UCK1: variants seen among roughly 807,000 people sequenced by gnomAD.
UCK1 encodes cytidine monophosphokinase 1.
Under a neutral mutation model 34.0 loss-of-function variants are expected in UCK1, and 20 were observed. The ratio of observed to expected loss-of-function variants is 0.59; its 90% CI spans 0.41 to 0.86. The LOEUF is 0.86. Among genes scored for constraint, UCK1 ranks in the 40% least tolerant of loss-of-function variants. The pLI, the probability that UCK1 is intolerant of heterozygous loss-of-function variation, is 0.00. For missense variants in UCK1, 343 were observed against 383.6 expected, an observed-to-expected ratio of 0.89 and a Z score of 0.88; for synonymous variants, 168 against 155.9, an observed-to-expected ratio of 1.08 and a Z score of -0.58.
At chr9:131,525,872 T>C (rs1588529294) in intron 6 of UCK1, 57 bp downstream of exon 6, 2 of 1,584,784 alleles carry the variant, frequency 1.3e-6, no homozygotes, top group East Asian at 4.5e-5. Flanking sequence ...GGTGGAACTG[T>C]CCCTGCCTCA....
At position 131,524,453 on chromosome 9, in the gene UCK1, A is replaced by G. The variant is rs1169191304; in HGVS notation, c.*587T>C. 1 of 152,282 alleles carries G rather than the reference A, an allele frequency of 6.6e-6. No homozygotes were observed. Among genetic ancestry groups the G allele is most frequent in the Non-Finnish European group, 1.5e-5 (1 of 68,070 alleles). The allele number at this position is 152,282 out of a possible 1,614,324, so 9.4% of individuals were successfully genotyped here. On this transcript the variant is annotated 3_prime_UTR_variant, in exon 7 of 7. Coordinates refer to ENST00000372215, the MANE Select transcript of UCK1 (RefSeq NM_031432.5). ...GGAAAACATCCCTCAGTGGCTCCCC[A>G]TATCCGTGTAGGCCACGCTGGACTG...
Position 131,526,220 on chromosome 9 carries a change from T to C in UCK1, c.604-243A>G, listed in dbSNP as rs968327278. The C allele has an allele frequency of 1.1e-5, 7 of 659,274 alleles. No homozygotes were observed. The Admixed American group carries it at 1.4e-4, about 13-fold the overall frequency. The allele number at this position is 659,274 out of a possible 1,614,324, so 40.8% of individuals were successfully genotyped here. ...GAAAGTGCCTCTTCCAGTGTCCCCA[T>C]TCCATCACAGAAGACAGCCCCCTTC... is the stretch of plus-strand genomic sequence containing the variant. On this transcript the variant is annotated intron_variant, in intron 5 of 6. Transcript: ENST00000372215.
rs1045461346 is a variant in UCK1 at position 131,524,814 on chromosome 9, G to A, written c.*226C>T. 9 of 531,486 alleles carry A rather than the reference G, an allele frequency of 1.7e-5. No homozygotes were observed. Among genetic ancestry groups the A allele is most frequent in the Non-Finnish European group, 3.0e-5 (9 of 304,174 alleles). 32.9% of individuals were successfully genotyped at this position (531,486 alleles called of 1,614,324 possible). On this transcript the variant is annotated 3_prime_UTR_variant, in exon 7 of 7. Transcript: ENST00000372215. ...AGTGACCTAGAGGGATCTTTAAACC[G>A]CAACGAGCCTAAGTGGCTGAAAACC... is the stretch of plus-strand genomic sequence containing the variant.
Position 131,523,865 on chromosome 9 carries a change from T to C in UCK1, c.*1175A>G, listed in dbSNP as rs895940621. 6.6e-6 allele frequency: 1 copy of C among 152,440 alleles called. No homozygotes were observed. The highest frequency in any genetic ancestry group is 1.5e-5 in the Non-Finnish European group (1 of 68,218). The allele number at this position is 152,440 out of a possible 1,614,324, so 9.4% of individuals were successfully genotyped here. A position where few individuals can be genotyped will look rare whatever the true frequency, so the allele number is the denominator to read the frequency against. ...AAGGGGCCTAAGCTCGACAAAACCG[T>C]TACAGTTGTCAGAACCCAGCCACAG... On this transcript the variant is annotated 3_prime_UTR_variant, in exon 7 of 7. Coordinates refer to ENST00000372215, the MANE Select transcript of UCK1 (RefSeq NM_031432.5).
At chr9:131,530,274 A>G (rs767759044) in intron 2 of UCK1, among the ~76,000 whole-genome samples, 3 of 152,182 alleles carry the variant, frequency 2.0e-5, no homozygotes, top group Non-Finnish European at 2.9e-5. Flanking sequence ...ACTGGCTCCA[A>G]CCACGCTCCT....
intron 6 of UCK1, 32 bp downstream of exon 6, chr9:131,525,897 C>G (rs1554788157): frequency 6.2e-7 from 1 of 1,610,446 alleles, no homozygotes; most frequent in Non-Finnish European, 8.5e-7. Context: ...CTGGGAGGGG[C>G]GGGGGGACAG....
chr9:131,526,462 CA>C, intron 5 of UCK1: 1 of 1,290,198 alleles, frequency 7.8e-7, no homozygotes, highest in Non-Finnish European at 1.0e-6. Flanking sequence ...TCCAACCACT[CA>C]TTGGCTCAAT....
intron 1 of UCK1, 141 bp from the exon 2 acceptor site, chr9:131,530,786 C>G: frequency 6.7e-7 from 1 of 1,492,584 alleles, no homozygotes; most frequent in Non-Finnish European, 9.2e-7. Context: ...TGTGGATGGT[C>G]TCAGCGGAAG....
intron 5 of UCK1, among the ~76,000 whole-genome samples, chr9:131,528,487 A>G (rs767630093): frequency 6.6e-6 from 1 of 152,220 alleles, no homozygotes; most frequent in Non-Finnish European, 1.5e-5. Context: ...CTGGAGGAGC[A>G]GCTCTGAAGC....
chr9:131,529,559 G>A lies in UCK1; in HGVS notation c.294C>T (p.His98=). The change falls in exon 3 of 7, where the codon CAC becomes CAT. Residue 98 remains histidine (H), a synonymous_variant. Coordinates refer to ENST00000372215, the MANE Select transcript of UCK1 (RefSeq NM_031432.5). ...HPDAFDNDLM[H]RTLKNIVEGK... ...CCTCCACGATGTTCTTCAGAGTCCTGTGCATCAAATCATTATCAAAGGCAT... is the reference window on the plus strand; with the variant it reads ...CCTCCACGATGTTCTTCAGAGTCCTATGCATCAAATCATTATCAAAGGCAT... 6.2e-7 allele frequency: 1 copy of A among 1,614,160 alleles called. No individual in the cohort carries two copies. Among genetic ancestry groups the A allele is most frequent in the Non-Finnish European group, 8.5e-7 (1 of 1,180,016 alleles).
At chr9:131,529,617 G>T (rs1165680339) in intron 2 of UCK1, 33 bp from the exon 3 acceptor site, 1 of 1,604,284 alleles carries the variant, frequency 6.2e-7, no homozygotes, top group African/African-American at 1.3e-5. Context: ...AAGACAGGCA[G>T]ATGCCCTCGT....
chr9:131,529,401 G>T, intron 3 of UCK1, 87 bp downstream of exon 3: 1 of 1,601,828 alleles, frequency 6.2e-7, no homozygotes, highest in South Asian at 1.1e-5. Context: ...AACCGGGGGA[G>T]GCCTGCCGCC....
Position 131,524,894 on chromosome 9 carries a change from T to A in UCK1, c.*146A>T. 1.0e-6 allele frequency: 1 copy of A among 955,244 alleles called. No individual in the cohort carries two copies. The highest frequency in any genetic ancestry group is 1.5e-6 in the Non-Finnish European group (1 of 665,350). The allele number at this position is 955,244 out of a possible 1,614,324, so 59.2% of individuals were successfully genotyped here. On this transcript the variant is annotated 3_prime_UTR_variant, in exon 7 of 7. Transcript: ENST00000372215. The stretch of plus-strand genomic sequence containing the variant: ...TTGAGTCTGAGTGACACATCTGAGT[T>A]TCCACTCCTGAGTGAGGAAGGCCTC...
chr9:131,530,382 C>A, intron 2 of UCK1, 104 bp downstream of exon 2: 1 of 1,403,316 alleles, frequency 7.1e-7, no homozygotes, highest in Non-Finnish European at 9.9e-7. Context: ...GGGGGAACAG[C>A]CCAAGCGGGT....
chr9:131,529,073 C>T, intron 4 of UCK1, 35 bp from the exon 5 acceptor site: 2 of 1,613,456 alleles, frequency 1.2e-6, no homozygotes, highest in Non-Finnish European at 1.7e-6. Flanking sequence ...CTTCAGACCT[C>T]AGGACCTGCC....
chr9:131,528,806 G>A, intron 5 of UCK1, 138 bp downstream of exon 5: 1 of 1,005,038 alleles, frequency 9.9e-7, no homozygotes, highest in East Asian at 2.6e-5. Flanking sequence ...CCCAGGGTAT[G>A]TGGCCATAAT....
In UCK1 at chr9:131,531,216, C is replaced by T; in HGVS notation, c.-42G>A. The T allele has an allele frequency of 2.2e-6, 3 of 1,348,218 alleles. No individual in the cohort carries two copies. The highest frequency in any genetic ancestry group is 2.9e-6 in the Non-Finnish European group (3 of 1,050,394). The allele number at this position is 1,348,218 out of a possible 1,614,324, so 83.5% of individuals were successfully genotyped here. On this transcript the variant is annotated 5_prime_UTR_variant, in exon 1 of 7. Transcript: ENST00000372215. ...GCGCATCGGGTCCCCGCGCCCGCCC[C>T]TTCCCCAGGCCCGGCGCGCCCGCCC... is the stretch of plus-strand genomic sequence containing the variant.
chr9:131,526,318 G>A (rs376237265), intron 5 of UCK1: 26 of 947,176 alleles, frequency 2.7e-5, no homozygotes, highest in East Asian at 2.6e-4. Flanking sequence ...AGCTAAGTGT[G>A]GCACTTCTAC....
At position 131,529,022 on chromosome 9, in the gene UCK1, G is replaced by T; in HGVS notation, c.525C>A (p.Arg175=). 1 of 1,614,058 alleles carries T rather than the reference G, an allele frequency of 6.2e-7. No homozygotes were observed. The highest frequency in any genetic ancestry group is 8.5e-7 in the Non-Finnish European group (1 of 1,180,012). ...GAATCTGCTCCAGGTCCCTCCCTCGGCGCACGTCCCGGAGAACTGCAGCGG... is the reference window on the plus strand; with the variant it reads ...GAATCTGCTCCAGGTCCCTCCCTCGTCGCACGTCCCGGAGAACTGCAGCGG... The part of the protein sequence containing the change: ...RLSRRVLRDV[R]RGRDLEQILT... Residue 175 remains arginine (R), a synonymous_variant, in exon 5 of 7, where the codon CGC becomes CGA. Coordinates refer to ENST00000372215, the MANE Select transcript of UCK1 (RefSeq NM_031432.5).
Sources: gnomAD v4.1 joint callset for allele counts (sites outside exome capture counted in the v4.1 genomes callset) on GRCh38, gnomAD v4.1.1 for gene constraint, MANE v1.5 for transcripts, NCBI Gene and HGNC (gene_info 2026-07-23, HGNC 2026-07-21) for gene names.